The following IMPG2 variants were observed in gnomAD, a reference collection of about 807,000 sequenced individuals.
The protein encoded by IMPG2 is interphotoreceptor matrix proteoglycan 2.
IMPG2 carries 91 observed loss-of-function variants against 129.2 expected under a neutral mutation model. The ratio of observed to expected loss-of-function variants is 0.70; its 90% confidence interval spans 0.59 to 0.84. The LOEUF is 0.84. Ranked by LOEUF, IMPG2 falls within the 40% of genes least tolerant of loss-of-function variation. The pLI, the probability that IMPG2 is intolerant of heterozygous loss-of-function variation, is 0.00. For missense variants in IMPG2, 1,430 were observed against 1,461.7 expected, an observed-to-expected ratio of 0.98 and a Z score of 0.35; for synonymous variants, 510 against 517.7, an observed-to-expected ratio of 0.99 and a Z score of 0.20.
At chr3:101,249,000 CA>C (rs1384548771) in intron 11 of IMPG2, among the ~76,000 whole-genome samples, 1 of 152,154 alleles carries the variant, frequency 6.6e-6, no homozygotes. Context: ...AAGGAGAGGT[CA>C]GGGTATTTCT....
intron 3 of IMPG2, among the ~76,000 whole-genome samples, chr3:101,293,535 C>T (rs479723): frequency 0.72 from 109,231 of 152,036 alleles, 40,395 homozygotes; most frequent in East Asian, 0.84. Flanking sequence ...TTCTTAAGGG[C>T]CCTAGGATTT....
At chr3:101,230,808 C>T in intron 16 of IMPG2, 149 bp downstream of exon 16, 2 of 711,260 alleles carry the variant, frequency 2.8e-6, no homozygotes, top group South Asian at 1.6e-5. Context: ...TTTGACACCC[C>T]TTTGAGGACA....
At chr3:101,250,117 T>C (rs2107226328) in intron 11 of IMPG2, among the ~76,000 whole-genome samples, 1 of 152,248 alleles carries the variant, frequency 6.6e-6, no homozygotes, top group Non-Finnish European at 1.5e-5. Flanking sequence ...CTGTTAACCT[T>C]ACATAACTCT....
At chr3:101,229,309 C>G in intron 17 of IMPG2, 71 bp downstream of exon 17, 1 of 863,348 alleles carries the variant, frequency 1.2e-6, no homozygotes, top group East Asian at 2.9e-5. Context: ...CACCCCCACC[C>G]ACCACCCCCT....
intron 9 of IMPG2, among the ~76,000 whole-genome samples, chr3:101,263,118 C>T (rs1706687911): frequency 6.6e-6 from 1 of 151,970 alleles, no homozygotes; most frequent in Middle Eastern, 3.2e-3. Context: ...TTCAACACCC[C>T]ATTATCTCCC....
In IMPG2 at chr3:101,295,452, C is replaced by G. The variant is rs188646976; in HGVS notation, c.502-3942G>C. On this transcript the variant is annotated intron_variant, in intron 3 of 18. Transcript: ENST00000193391. ...ATTGGTCTATATGTCTGTTTTGGCACCAGTACCGTGCTGTTTTGGTTACTG... is the reference window on the plus strand; with the variant it reads ...ATTGGTCTATATGTCTGTTTTGGCAGCAGTACCGTGCTGTTTTGGTTACTG... 2.6e-5 allele frequency among the ~76,000 whole-genome samples: 4 copies of G among 152,252 alleles called. No homozygotes were observed. The East Asian group carries it at 5.8e-4, about 22-fold the overall frequency.
At chr3:101,281,405 G>T (rs1275936605) in intron 4 of IMPG2, among the ~76,000 whole-genome samples, 1 of 152,152 alleles carries the variant, frequency 6.6e-6, no homozygotes. Context: ...ACAGGCAGAG[G>T]TTTCTAAGAG....
chr3:101,269,430 G>T, intron 8 of IMPG2, 85 bp downstream of exon 8: 2 of 807,602 alleles, frequency 2.5e-6, no homozygotes, highest in Non-Finnish European at 4.4e-6. Context: ...TTTATTGTTA[G>T]AATATGTGTG....
intron 17 of IMPG2, among the ~76,000 whole-genome samples, 158 bp from the exon 18 acceptor site, chr3:101,229,034 T>C (rs1406429251): frequency 6.6e-6 from 1 of 151,242 alleles, no homozygotes; most frequent in East Asian, 1.9e-4. Context: ...TTCAGAGAAA[T>C]GGAAGGATCT....
At chr3:101,272,633 G>A (rs1340473719) in intron 7 of IMPG2, among the ~76,000 whole-genome samples, 1 of 152,280 alleles carries the variant, frequency 6.6e-6, no homozygotes, top group South Asian at 2.1e-4. Flanking sequence ...CACTGGCCTG[G>A]CTGACATTTC....
intron 17 of IMPG2, among the ~76,000 whole-genome samples, chr3:101,229,166 G>T (rs1345673111): frequency 1.3e-5 from 2 of 149,932 alleles, no homozygotes; most frequent in African/African-American, 4.9e-5. Context: ...GCCATTGTGG[G>T]GGAAATAAGG....
chr3:101,276,451 A>G (rs1706841202), intron 5 of IMPG2, among the ~76,000 whole-genome samples: 1 of 152,184 alleles, frequency 6.6e-6, no homozygotes, highest in African/African-American at 2.4e-5. Flanking sequence ...TGTATTATAT[A>G]CTTAATGATT....
chr3:101,229,965 C>G (rs1025480466), intron 16 of IMPG2, among the ~76,000 whole-genome samples: 1 of 152,320 alleles, frequency 6.6e-6, no homozygotes, highest in South Asian at 2.1e-4. Flanking sequence ...GCAAATCTGA[C>G]TGAAATATAA....
intron 17 of IMPG2, 60 bp downstream of exon 17, chr3:101,229,319 TG>T: frequency 1.5e-5 from 4 of 267,546 alleles, no homozygotes; most frequent in East Asian, 8.5e-5. Context: ...CACCACCCCC[TG>T]CTCCCCCACA....
At chr3:101,273,525 T>C in intron 7 of IMPG2, 56 bp downstream of exon 7, 1 of 1,563,530 alleles carries the variant, frequency 6.4e-7, no homozygotes, top group East Asian at 2.2e-5. Context: ...GTTGTGAATA[T>C]AGGAAACTAA....
In IMPG2 at chr3:101,245,911, A is replaced by G. The variant is rs199989078; in HGVS notation, c.1434T>C (p.Val478=). The part of the protein sequence containing the change: ...SKMGLSSSPE[V]LEVSSLTLHS... ...GAAGAGTCAAGCTGCTAACCTCTAA[A>G]ACCTCTGGGGAAGAGCTGAGGCCCA... The change falls in exon 12 of 19, where the codon GTT becomes GTC. Residue 478 remains valine (V), a synonymous_variant. Transcript: ENST00000193391. 43 of 1,614,190 alleles carry G rather than the reference A, an allele frequency of 2.7e-5. No individual in the cohort carries two copies. Among genetic ancestry groups the G allele is most frequent in the Middle Eastern group, 3.3e-4 (2 of 6,062 alleles).
chr3:101,292,886 C>A (rs781636675), intron 3 of IMPG2, among the ~76,000 whole-genome samples: 5 of 152,154 alleles, frequency 3.3e-5, no homozygotes, highest in Non-Finnish European at 7.4e-5. Context: ...ACTTTCTTTG[C>A]TCATTCATAA....
chr3:101,287,535 AACAG>A (rs1443365603), intron 4 of IMPG2, among the ~76,000 whole-genome samples: 1 of 152,194 alleles, frequency 6.6e-6, no homozygotes, highest in African/African-American at 2.4e-5. Flanking sequence ...CTGGTACAAA[AACAG>A]ACAAATAGAC....
In IMPG2 at chr3:101,244,534, A is replaced by G. The variant is rs781423686; in HGVS notation, c.1797T>C (p.Gly599=). ...ASMEKELIFD[G]GLGSGSGQKV... is the part of the protein sequence containing the mutation. ...TTTGCCCAGACCCTGAACCTAAACCACCGTCAAATATTAACTCTTTTTCCA... is the reference window on the plus strand; with the variant it reads ...TTTGCCCAGACCCTGAACCTAAACCGCCGTCAAATATTAACTCTTTTTCCA... The change falls in exon 13 of 19, where the codon GGT becomes GGC. Residue 599 remains glycine, a synonymous_variant. Transcript: ENST00000193391. 8.8e-6 allele frequency: 14 copies of G among 1,597,992 alleles called. No homozygotes were observed. The South Asian group carries it at 1.5e-4, about 17-fold the overall frequency.
Sources: allele counts gnomAD v4.1 joint callset (sites outside exome capture counted in the v4.1 genomes callset), GRCh38; gene constraint gnomAD v4.1.1; transcripts MANE v1.5; gene names NCBI Gene and HGNC (gene_info 2026-07-23, HGNC 2026-07-21).